SEC14L2: variants seen among roughly 807,000 people sequenced by gnomAD.
The protein encoded by SEC14L2 is SEC14 like lipid binding 2, also known as SEC14-like protein 2.
A neutral mutation model predicts 56.9 loss-of-function variants in SEC14L2; 50 were observed. That is an observed-to-expected ratio of 0.88 (90% CI 0.70 to 1.11). SEC14L2 has a LOEUF of 1.11. Ranked by LOEUF, SEC14L2 falls within the 50% of genes most tolerant of loss-of-function variation. SEC14L2 has a pLI of 0.00. For synonymous variants in SEC14L2, 179 were observed against 188.5 expected (o/e 0.95, Z 0.41); for missense variants, 414 against 500.7 (o/e 0.83, Z 1.65).
At chr22:30,416,472 C>G in intron 11 of SEC14L2, 69 bp downstream of exon 11, 4 of 1,612,396 alleles carry the variant, frequency 2.5e-6, no homozygotes, top group Non-Finnish European at 3.4e-6. Context: ...GGTTCCTCTT[C>G]CTCCATGGAT....
At chr22:30,403,309 G>A (rs1933992782) in intron 2 of SEC14L2, among the ~76,000 whole-genome samples, 1 of 152,194 alleles carries the variant, frequency 6.6e-6, no homozygotes, top group South Asian at 2.1e-4. Flanking sequence ...CCCTGACTGA[G>A]GCTGAGTTCT....
At position 30,397,147 on chromosome 22, in the gene SEC14L2, A is replaced by T; in HGVS notation, c.31A>T (p.Arg11Trp). The T allele has an allele frequency of 6.5e-7, 1 of 1,546,204 alleles. No homozygotes were observed. Among genetic ancestry groups the T allele is most frequent in the South Asian group, 1.2e-5 (1 of 83,622 alleles). The change falls in exon 1 of 12, where the codon AGG (arginine) becomes TGG (tryptophan). Residue 11 changes from arginine (R) to tryptophan (W), a missense_variant. Arg to Trp is a moderately radical substitution (Grantham distance 101). Coordinates refer to ENST00000615189, the MANE Select transcript of SEC14L2 (RefSeq NM_012429.5). ...CGGCAGAGTCGGCGATCTGAGCCCC[A>T]GGCAGAAGGAGGCATTGGCCAAGGT... Reference protein sequence around the residue: MSGRVGDLSPRQKEALAKFRE... With the variant: MSGRVGDLSPWQKEALAKFRE...
intron 5 of SEC14L2, 52 bp from the exon 6 acceptor site, chr22:30,409,135 G>A (rs369004968): frequency 2.7e-6 from 4 of 1,505,538 alleles, no homozygotes; most frequent in Non-Finnish European, 3.7e-6. Flanking sequence ...ACTGGAACGG[G>A]CTTCTGAAGT....
At chr22:30,398,564 T>C (rs1470223328) in intron 1 of SEC14L2, 1 of 401,002 alleles carries the variant, frequency 2.5e-6, no homozygotes, top group Non-Finnish European at 5.3e-6. Context: ...ACTGTCCACC[T>C]CCTTTGTTTG....
chr22:30,416,474 T>C, intron 11 of SEC14L2, 71 bp downstream of exon 11: 1 of 1,611,940 alleles, frequency 6.2e-7, no homozygotes, highest in Non-Finnish European at 8.5e-7. Context: ...TTCCTCTTCC[T>C]CCATGGATTT....
chr22:30,417,851 C>T (rs1018128650), intron 11 of SEC14L2, among the ~76,000 whole-genome samples: 1 of 151,966 alleles, frequency 6.6e-6, no homozygotes, highest in African/African-American at 2.4e-5. Flanking sequence ...GATTTTGCCT[C>T]CTTCCTCACA....
chr22:30,406,457 C>A, intron 3 of SEC14L2, 72 bp downstream of exon 3: 2 of 1,444,580 alleles, frequency 1.4e-6, no homozygotes, highest in Non-Finnish European at 1.9e-6. Context: ...TCTTTTGCCG[C>A]ACCTCCCATC....
rs116839846 is a variant in SEC14L2, at chr22:30,407,170, C to T, written c.234+16C>T. On this transcript the variant is annotated intron_variant, in intron 4 of 11. Transcript: ENST00000615189. Reference sequence around the variant, plus strand: ...GCCTCCAGAGGTGAGCACAAATTATCCCACCTCATCCCTATGCTAGGCCTT... The same window carrying T: ...GCCTCCAGAGGTGAGCACAAATTATTCCACCTCATCCCTATGCTAGGCCTT... 1.2e-3 allele frequency: 1,943 copies of T among 1,613,534 alleles called. 10 individuals are homozygous for T. In the African/African-American group the frequency reaches 0.012, roughly 10 times the overall value.
intron 1 of SEC14L2, chr22:30,398,613 TG>T: frequency 4.5e-6 from 2 of 448,276 alleles, no homozygotes; most frequent in Non-Finnish European, 9.5e-6. Flanking sequence ...CTTCCCCTAC[TG>T]GAACTGTTCC....
chr22:30,402,416 C>T (rs1049794495), intron 2 of SEC14L2, among the ~76,000 whole-genome samples: 1 of 152,162 alleles, frequency 6.6e-6, no homozygotes, highest in Non-Finnish European at 1.5e-5. Context: ...TGGGGAGCCT[C>T]ATACTTCAGG....
chr22:30,417,967 T>A (rs545560060), intron 11 of SEC14L2, among the ~76,000 whole-genome samples: 1 of 152,110 alleles, frequency 6.6e-6, no homozygotes, highest in Non-Finnish European at 1.5e-5. Context: ...AGCCGGGTCC[T>A]GGGGGAGAAG....
Position 30,416,357 on chromosome 22 carries a change from C to G in SEC14L2, c.1035C>G (p.His345Gln), listed in dbSNP as rs140250804. Residue 345 changes from histidine (H) to glutamine (Q), a missense_variant, in exon 11 of 12, where the codon CAC becomes CAG. Physicochemically the swap from His to Gln is conservative, Grantham distance 24. Transcript: ENST00000615189. ...TGCCCAACCAGAGGTACAACTCCCA[C>G]CTGGTCCCTGAAGATGGGACCCTCA... ...EVLPNQRYNS[H>Q]LVPEDGTLTC... is the part of the protein sequence containing the mutation. The G allele has an allele frequency of 8.1e-6, 13 of 1,614,086 alleles. No homozygotes were observed. Among genetic ancestry groups the G allele is most frequent in the Non-Finnish European group, 1.1e-5 (13 of 1,180,036 alleles).
In SEC14L2 at chr22:30,416,101, C is replaced by T; in HGVS notation, c.911+14C>T. ...CTGTGTCCTCAGGTAGGGGCCTGGG[C>T]CCTTCCAGGAGACCCGAGCTTTCAT... On this transcript the variant is annotated intron_variant, in intron 10 of 11. Coordinates refer to ENST00000615189, the MANE Select transcript of SEC14L2 (RefSeq NM_012429.5). 1 of 1,614,012 alleles carries T rather than the reference C, an allele frequency of 6.2e-7. No homozygotes were observed.
chr22:30,400,830 G>T (rs979093706), intron 2 of SEC14L2, among the ~76,000 whole-genome samples: 3 of 147,332 alleles, frequency 2.0e-5, no homozygotes, highest in African/African-American at 7.5e-5. Context: ...GGGAGGTGGA[G>T]GTTGCAGTGA....
In SEC14L2 at chr22:30,415,874, C is replaced by T. The variant is rs1471859049; in HGVS notation, c.771+9C>T. 1.1e-5 allele frequency: 17 copies of T among 1,614,014 alleles called. No homozygotes were observed. The highest frequency in any genetic ancestry group is 5.0e-5 in the Admixed American group (3 of 60,000). ...CCAAGTGCAAATCCAAGGTATGAGCCGCCAGAGGCTAGAGGTGAACAGGGA... is the reference window on the plus strand; with the variant it reads ...CCAAGTGCAAATCCAAGGTATGAGCTGCCAGAGGCTAGAGGTGAACAGGGA... On this transcript the variant is annotated intron_variant, in intron 9 of 11. Coordinates refer to ENST00000615189, the MANE Select transcript of SEC14L2 (RefSeq NM_012429.5).
rs563587612 is a variant in SEC14L2, at chr22:30,402,731, C to T, written c.130+3013C>T. On this transcript the variant is annotated intron_variant, in intron 2 of 11. Coordinates refer to ENST00000615189, the MANE Select transcript of SEC14L2 (RefSeq NM_012429.5). ...GGCCTGGTCAGAACCTAATATGAAT[C>T]TCAATTGGGTTTTTTTTTTTTGTCC... Among the ~76,000 whole-genome samples, 3 of 144,030 alleles carry T rather than the reference C, an allele frequency of 2.1e-5. No homozygotes were observed. In the Admixed American group the frequency reaches 2.1e-4, roughly 10 times the overall value. 94.5% of individuals were successfully genotyped at this position (144,030 alleles called of 152,430 possible).
intron 1 of SEC14L2, chr22:30,398,561 A>G (rs2146000353): frequency 2.5e-6 from 1 of 398,654 alleles, no homozygotes; most frequent in East Asian, 7.3e-5. Context: ...GTCACTGTCC[A>G]CCTCCTTTGT....
Position 30,416,227 on chromosome 22 carries a change from C to T in SEC14L2, c.912-7C>T, listed in dbSNP as rs1185567654. The T allele has an allele frequency of 8.7e-6, 14 of 1,613,546 alleles. No homozygotes were observed. The highest frequency in any genetic ancestry group is 3.3e-5 in the South Asian group (3 of 91,078). ...AATTATGTCTCAATTGGTGATATCC[C>T]CTGCAGGTGGCAGTTTATGTCAGAT... On this transcript the variant is annotated splice_region_variant and splice_polypyrimidine_tract_variant and intron_variant, in intron 10 of 11. Transcript: ENST00000615189.
intron 1 of SEC14L2, 74 bp from the exon 2 acceptor site, chr22:30,399,569 T>C: frequency 1.5e-6 from 1 of 665,858 alleles, no homozygotes; most frequent in Non-Finnish European, 2.5e-6. Flanking sequence ...AGCAAAGATC[T>C]CAGTGGAGAG....
Sources: allele counts gnomAD v4.1 joint callset (sites outside exome capture counted in the v4.1 genomes callset), GRCh38; gene constraint gnomAD v4.1.1; transcripts MANE v1.5; gene names NCBI Gene and HGNC (gene_info 2026-07-23, HGNC 2026-07-21).